Variants in KANTR observed in about 807,000 individuals in gnomAD.
The protein encoded by KANTR is KDM5C adjacent transcript.
At chrX:53,104,151 TA>T (rs1932918710) in intron 2 of KANTR, among the ~76,000 whole-genome samples, 1 of 110,376 alleles carries the variant, frequency 9.1e-6, no homozygotes, top group South Asian at 3.8e-4. Context: ...TTCACCCTTT[TA>T]AAGGGTACTG....
At chrX:53,106,294 G>T (rs916683851) in intron 2 of KANTR, among the ~76,000 whole-genome samples, 2 of 110,697 alleles carry the variant, frequency 1.8e-5, no homozygotes, top group African/African-American at 6.8e-5. Flanking sequence ...GGCATTTGGT[G>T]TTATATCCAA....
chrX:53,133,156 C>G (rs1933380447), intron 2 of KANTR, among the ~76,000 whole-genome samples: 1 of 109,620 alleles, frequency 9.1e-6, no homozygotes, highest in Non-Finnish European at 1.9e-5. Context: ...TTGCTTGAGC[C>G]TAGGAGTTCA....
downstream of KANTR, chrX:53,143,842 A>T (rs782048784): frequency 5.5e-5 from 26 of 476,500 alleles, 1 homozygote; most frequent in Admixed American, 1.0e-4. Context: ...GGGGCCATCC[A>T]TCCCCAGCAA....
intron 1 of KANTR, among the ~76,000 whole-genome samples, chrX:53,097,147 A>G (rs1225707705): frequency 9.1e-6 from 1 of 109,799 alleles, no homozygotes; most frequent in African/African-American, 3.3e-5. Context: ...ACACCCTTTA[A>G]TTGTCCAGCC....
intron 2 of KANTR, among the ~76,000 whole-genome samples, chrX:53,117,441 C>T (rs1556814772): frequency 9.1e-6 from 1 of 110,469 alleles, no homozygotes; most frequent in East Asian, 2.8e-4. Context: ...CACCACTCCA[C>T]TCCTGAAATT....
At chrX:53,141,341 G>A (rs1235577804) in intron 2 of KANTR, among the ~76,000 whole-genome samples, 8 of 110,990 alleles carry the variant, frequency 7.2e-5, no homozygotes, top group Admixed American at 5.8e-4. Context: ...GGAATCATTC[G>A]ACTTAACCTG....
At chrX:53,108,660 A>T (rs1260710491) in intron 2 of KANTR, among the ~76,000 whole-genome samples, 3 of 109,742 alleles carry the variant, frequency 2.7e-5, no homozygotes, top group African/African-American at 9.8e-5. Context: ...AGATCATGTT[A>T]TCTCTAAATA....
chrX:53,136,507 G>C (rs1556817652), intron 2 of KANTR, among the ~76,000 whole-genome samples: 1 of 95,779 alleles, frequency 1.0e-5, no homozygotes, highest in Non-Finnish European at 2.1e-5. Flanking sequence ...CAAAGTGCTG[G>C]GATTACAGGC....
chrX:53,144,982 C>T (rs1933553448), downstream of KANTR, among the ~76,000 whole-genome samples: 1 of 111,475 alleles, frequency 9.0e-6, no homozygotes, highest in South Asian at 3.8e-4. Flanking sequence ...TTATAGATTT[C>T]AAGATCTATA....
chrX:53,137,748 A>G (rs1344658492), intron 2 of KANTR, among the ~76,000 whole-genome samples: 4 of 108,783 alleles, frequency 3.7e-5, no homozygotes, highest in Admixed American at 9.8e-5. Context: ...CAGCCTGGGC[A>G]ACAAGAGCGA....
intron 2 of KANTR, among the ~76,000 whole-genome samples, chrX:53,116,949 TCTC>T (rs2064263725): frequency 9.0e-6 from 1 of 111,448 alleles, no homozygotes; most frequent in African/African-American, 3.3e-5. Flanking sequence ...TCTCTACTCT[TCTC>T]CTATATGCTG....
chrX:53,143,029 G>A (rs1294749562), downstream of KANTR: 22 of 1,197,925 alleles, frequency 1.8e-5, no homozygotes, highest in Middle Eastern at 2.4e-4. Flanking sequence ...GGACAGCACT[G>A]TGTTGGCGTA....
intron 2 of KANTR, among the ~76,000 whole-genome samples, chrX:53,136,243 G>C (rs1243642378): frequency 9.0e-6 from 1 of 111,144 alleles, no homozygotes; most frequent in Non-Finnish European, 1.9e-5. Context: ...CTTTTTGTTT[G>C]TTTGTTTGTT....
At chrX:53,121,851 C>T (rs1933226527) in intron 2 of KANTR, among the ~76,000 whole-genome samples, 2 of 111,289 alleles carry the variant, frequency 1.8e-5, no homozygotes, top group South Asian at 7.5e-4. Context: ...TTTTGTGAAC[C>T]TTCATCCCTT....
intron 1 of KANTR, among the ~76,000 whole-genome samples, chrX:53,098,111 C>G (rs1932861218): frequency 1.0e-5 from 1 of 97,775 alleles, no homozygotes; most frequent in Admixed American, 1.1e-4. Flanking sequence ...ACTATCAAAA[C>G]TAGAAAATTA....
At chrX:53,146,975 C>T (rs1933585439), downstream of KANTR, among the ~76,000 whole-genome samples, 1 of 112,095 alleles carries the variant, frequency 8.9e-6, no homozygotes, top group Admixed American at 9.5e-5. Context: ...AAGCACTAAA[C>T]ATGGAAAGGA....
At chrX:53,130,581 T>C (rs1231074360), downstream of KANTR, among the ~76,000 whole-genome samples, 3 of 112,687 alleles carry the variant, frequency 2.7e-5, no homozygotes, top group Admixed American at 1.9e-4. Flanking sequence ...AGTAGTAATA[T>C]GCACTTCATA....
downstream of KANTR, among the ~76,000 whole-genome samples, chrX:53,130,447 AT>A (rs1432446105): frequency 3.0e-5 from 2 of 66,094 alleles, no homozygotes; most frequent in Non-Finnish European, 6.3e-5. Flanking sequence ...CTTGACCTCA[AT>A]TTTCTGTAGT....
At chrX:53,121,955 A>C (rs1347950624) in intron 2 of KANTR, among the ~76,000 whole-genome samples, 1 of 111,485 alleles carries the variant, frequency 9.0e-6, no homozygotes, top group Non-Finnish European at 1.9e-5. Flanking sequence ...CCCACCCTCA[A>C]GTAGGTGGGA....
Sources: allele counts gnomAD v4.1 joint callset (sites outside exome capture counted in the v4.1 genomes callset), GRCh38; gene constraint gnomAD v4.1.1; transcripts MANE v1.5; gene names NCBI Gene and HGNC (gene_info 2026-07-23, HGNC 2026-07-21).